MARCHF3: variants seen among roughly 807,000 people sequenced by gnomAD.
MARCHF3 encodes the protein membrane associated ring-CH-type finger 3.
A neutral mutation model predicts 24.2 loss-of-function variants in MARCHF3; 13 were observed. The ratio of observed to expected loss-of-function variants is 0.54; its 90% CI spans 0.35 to 0.85. The LOEUF (loss-of-function observed/expected upper bound fraction) is 0.85, where lower values mean the gene tolerates loss of function less well. Among genes scored for constraint, MARCHF3 ranks in the 40% least tolerant of loss-of-function variants. The pLI, the probability that MARCHF3 is intolerant of heterozygous loss-of-function variation, is 0.01. For missense variants in MARCHF3, 276 were observed against 325.0 expected, an observed-to-expected ratio of 0.85 and a Z score of 1.16; for synonymous variants, 144 against 137.3, an observed-to-expected ratio of 1.05 and a Z score of -0.34.
chr5:127,000,840 G>T (rs924197959), intron 1 of MARCHF3, among the ~76,000 whole-genome samples: 2 of 150,926 alleles, frequency 1.3e-5, no homozygotes, highest in Non-Finnish European at 2.9e-5. Context: ...CTAATTTTTT[G>T]TAGTTTTAGT....
At chr5:126,884,007 T>C (rs761918293) in intron 3 of MARCHF3, among the ~76,000 whole-genome samples, 3 of 152,226 alleles carry the variant, frequency 2.0e-5, no homozygotes, top group Admixed American at 2.0e-4. Context: ...CTTATCTGCC[T>C]GAGTCTCCTG....
chr5:127,001,826 C>G (rs1279121523), intron 1 of MARCHF3, among the ~76,000 whole-genome samples: 2 of 152,188 alleles, frequency 1.3e-5, no homozygotes, highest in Non-Finnish European at 2.9e-5. Context: ...GCCAGTAAGT[C>G]CTTGAGTGCT....
At chr5:126,996,442 G>T (rs1751950920) in intron 1 of MARCHF3, among the ~76,000 whole-genome samples, 1 of 151,764 alleles carries the variant, frequency 6.6e-6, no homozygotes, top group African/African-American at 2.4e-5. Flanking sequence ...CTCCCACTTT[G>T]TGTTGTCCAT....
intron 1 of MARCHF3, among the ~76,000 whole-genome samples, chr5:127,006,034 T>C (rs1480180597): frequency 6.6e-6 from 1 of 151,950 alleles, no homozygotes; most frequent in Admixed American, 6.6e-5. Context: ...AAACCCCATC[T>C]CTACTAAGAA....
At chr5:126,911,175 G>T (rs1754515500) in intron 3 of MARCHF3, among the ~76,000 whole-genome samples, 1 of 152,066 alleles carries the variant, frequency 6.6e-6, no homozygotes, top group Non-Finnish European at 1.5e-5. Context: ...TTTTAATTTT[G>T]CCCGGGTCCT....
intron 1 of MARCHF3, among the ~76,000 whole-genome samples, chr5:126,954,135 C>T (rs1750349197): frequency 6.6e-6 from 1 of 151,966 alleles, no homozygotes; most frequent in African/African-American, 2.4e-5. Flanking sequence ...TGGCTTCACG[C>T]CATTCTCCTG....
At chr5:126,935,831 G>A (rs1749630020) in intron 1 of MARCHF3, among the ~76,000 whole-genome samples, 2 of 151,736 alleles carry the variant, frequency 1.3e-5, no homozygotes, top group African/African-American at 4.8e-5. Flanking sequence ...GGCTAGTCTC[G>A]AATTCCTGAC....
At position 126,872,825 on chromosome 5, in the gene MARCHF3, C is replaced by G. The variant is rs1290559304; in HGVS notation, c.604-2034G>C. ...CACAGAAGTGCTTTTCTCCAAAAGT[C>G]CCTGAACATGCTAAAGTGGATCAGT... On this transcript the variant is annotated intron_variant, in intron 4 of 4. Transcript: ENST00000308660. Among the ~76,000 whole-genome samples, 5 of 152,160 alleles carry G rather than the reference C, an allele frequency of 3.3e-5. No individual in the cohort carries two copies. The South Asian group carries it at 1.0e-3, about 32-fold the overall frequency.
intron 4 of MARCHF3, among the ~76,000 whole-genome samples, chr5:126,874,526 C>T (rs917179191): frequency 1.3e-5 from 2 of 149,594 alleles, no homozygotes; most frequent in East Asian, 2.0e-4. Flanking sequence ...GCGGAGGTTG[C>T]GGTGATCTCG....
intron 1 of MARCHF3, among the ~76,000 whole-genome samples, chr5:126,919,252 T>C (rs1749016243): frequency 1.3e-5 from 2 of 152,224 alleles, no homozygotes; most frequent in African/African-American, 4.8e-5. Flanking sequence ...ATGTGACACA[T>C]AAGAAATAGA....
chr5:126,905,761 A>G (rs1447924515), intron 3 of MARCHF3, among the ~76,000 whole-genome samples: 2 of 151,884 alleles, frequency 1.3e-5, no homozygotes, highest in Non-Finnish European at 1.5e-5. Flanking sequence ...TCGTCTGCAA[A>G]CAGGGACAAT....
At chr5:126,942,607 A>G (rs941444011) in intron 1 of MARCHF3, among the ~76,000 whole-genome samples, 1 of 152,242 alleles carries the variant, frequency 6.6e-6, no homozygotes, top group African/African-American at 2.4e-5. Context: ...ACAGTTTAGG[A>G]TAAGCCATTC....
intron 1 of MARCHF3, among the ~76,000 whole-genome samples, chr5:126,982,019 T>C (rs907023945): frequency 5.9e-5 from 9 of 152,340 alleles, no homozygotes; most frequent in African/African-American, 2.2e-4. Context: ...ACTTGATAGA[T>C]TGTGCCTTTC....
intron 3 of MARCHF3, among the ~76,000 whole-genome samples, chr5:126,912,233 C>T (rs1050309031): frequency 6.0e-4 from 91 of 152,252 alleles, no homozygotes; most frequent in Non-Finnish European, 1.0e-3. Context: ...GTCTTAGGAA[C>T]GGTGGCATGA....
rs377174119 is a variant in MARCHF3, at chr5:126,965,675, G to A, written c.-56-47448C>T. On this transcript the variant is annotated intron_variant, in intron 1 of 4. Coordinates refer to ENST00000308660, the MANE Select transcript of MARCHF3 (RefSeq NM_178450.5). Reference sequence around the variant, plus strand: ...AGTGCCTAAAGCAGCACACAAAATAGTGAGTCAGTGAGAGATAGAAACCAC... The same window carrying A: ...AGTGCCTAAAGCAGCACACAAAATAATGAGTCAGTGAGAGATAGAAACCAC... Among the ~76,000 whole-genome samples, 15 of 152,232 alleles carry A rather than the reference G, an allele frequency of 9.9e-5. No individual in the cohort carries two copies. The East Asian group carries it at 2.7e-3, about 27-fold the overall frequency.
At chr5:126,939,245 GA>G (rs1227341461) in intron 1 of MARCHF3, among the ~76,000 whole-genome samples, 5 of 152,140 alleles carry the variant, frequency 3.3e-5, no homozygotes, top group African/African-American at 4.8e-5. Context: ...CCCTAGATAT[GA>G]AAAGGTTAGG....
At chr5:126,938,599 G>A (rs1176165216) in intron 1 of MARCHF3, among the ~76,000 whole-genome samples, 4 of 151,548 alleles carry the variant, frequency 2.6e-5, no homozygotes, top group Admixed American at 2.6e-4. Flanking sequence ...CAAATCCTTA[G>A]TATTTCCCAA....
chr5:126,977,418 C>A (rs1751240062), intron 1 of MARCHF3, among the ~76,000 whole-genome samples: 1 of 152,148 alleles, frequency 6.6e-6, no homozygotes, highest in Non-Finnish European at 1.5e-5. Flanking sequence ...TTCACTTCTA[C>A]CCCCAACCCA....
chr5:126,872,406 C>T (rs1374231708), intron 4 of MARCHF3, among the ~76,000 whole-genome samples: 3 of 152,072 alleles, frequency 2.0e-5, no homozygotes, highest in Admixed American at 2.0e-4. Flanking sequence ...GATGCTTAAA[C>T]CTGTAGTCTG....
Sources: gnomAD v4.1 joint callset for allele counts (sites outside exome capture counted in the v4.1 genomes callset) on GRCh38, gnomAD v4.1.1 for gene constraint, MANE v1.5 for transcripts, NCBI Gene and HGNC (gene_info 2026-07-23, HGNC 2026-07-21) for gene names.